The following NAV1 variants were observed in gnomAD, a reference collection of about 807,000 sequenced individuals.
NAV1 encodes neuron navigator 1.
NAV1 carries 18 observed loss-of-function variants against 175.2 expected under a neutral mutation model. That is an observed-to-expected ratio of 0.10 (90% CI 0.07 to 0.15). The LOEUF is 0.15. NAV1 is among the 10% of genes least tolerant of loss of function. NAV1 has a pLI of 1.00. For synonymous variants in NAV1, 897 were observed against 978.7 expected (o/e 0.92, Z 1.56); for missense variants, 1,731 against 2,436.6 (o/e 0.71, Z 6.10).
chr1:201,784,776 T>G (rs1356584942), intron 7 of NAV1, among the ~76,000 whole-genome samples: 2 of 151,888 alleles, frequency 1.3e-5, no homozygotes, highest in Non-Finnish European at 2.9e-5. Context: ...TTGTTGTTGT[T>G]GTTGTTTTGA....
chr1:201,809,311 A>T (rs1288085793), intron 21 of NAV1, 50 bp downstream of exon 25: 1 of 1,604,452 alleles, frequency 6.2e-7, no homozygotes, highest in African/African-American at 1.3e-5. Context: ...ATACTGTTAC[A>T]TTTATCCAAG....
rs11803581 is a variant in NAV1 at position 201,630,912 on chromosome 1, G to T, written c.4+1405G>T. 7.6e-3 allele frequency among the ~76,000 whole-genome samples: 1,158 copies of T among 152,254 alleles called. 25 individuals are homozygous for T. The highest frequency in any genetic ancestry group is 0.027 in the African/African-American group (1,109 of 41,546). ...ATGATCTCCATGCACCTAACCCAGC[G>T]CTCGTTCACGATTATTATCCGATGA... On this transcript the variant is annotated intron_variant, in intron 2 of 29. Transcript: ENST00000367302.
At position 201,743,753 on chromosome 1, in the gene NAV1, T is replaced by G. The variant is rs536721478; in HGVS notation, c.1226+24998T>G. Among the ~76,000 whole-genome samples the G allele has an allele frequency of 5.9e-5, 9 of 152,346 alleles. No individual in the cohort carries two copies. In the East Asian group the frequency reaches 1.7e-3, roughly 29 times the overall value. On this transcript the variant is annotated intron_variant, in intron 3 of 29. Coordinates refer to ENST00000367296, the Ensembl canonical transcript of NAV1. ...CCAGCTTAGAATATATCTCTGATTT[T>G]TACTTAAATTCGTCATTGCCCATAT...
chr1:201,649,328 C>G, exon 1 of NAV1: 2 of 1,612,336 alleles, frequency 1.2e-6, no homozygotes, highest in Non-Finnish European at 1.7e-6. Context: ...TCCCCTCTGC[C>G]AAGGGCCAGG....
chr1:201,782,937 C>T lies in NAV1; in HGVS notation c.2357+68C>T. The T allele has an allele frequency of 1.5e-6, 2 of 1,378,068 alleles. No homozygotes were observed. Among genetic ancestry groups the T allele is most frequent in the African/African-American group, 2.9e-5 (2 of 68,766 alleles). The allele number at this position is 1,378,068 out of a possible 1,614,324, so 85.4% of individuals were successfully genotyped here. On this transcript the variant is annotated intron_variant, in intron 6 of 29. Transcript: ENST00000367296. This position sits in a 1 kb window ranked among gnomAD's most constrained non-coding sequence, Gnocchi z 5.4. ...CATTCTTTCGCATATCTCTGCCCTCCTTGGACTAGATGAGGCATGGCCTAT... is the reference window on the plus strand; with the variant it reads ...CATTCTTTCGCATATCTCTGCCCTCTTTGGACTAGATGAGGCATGGCCTAT...
chr1:201,793,569 C>A, intron 13 of NAV1: 1 of 518,620 alleles, frequency 1.9e-6, no homozygotes, highest in Non-Finnish European at 3.5e-6. Flanking sequence ...GCCCTACCCT[C>A]AACCTGGCTT....
intron 2 of NAV1, among the ~76,000 whole-genome samples, chr1:201,634,839 C>T (rs532814858): frequency 7.2e-5 from 11 of 152,098 alleles, no homozygotes; most frequent in Admixed American, 2.0e-4. Flanking sequence ...AGTGATTCTA[C>T]GTGGTTTTTG....
Position 201,810,906 on chromosome 1 carries a change from CTA to C in NAV1, c.4797+150_4797+151del, listed in dbSNP as rs1041104012. On this transcript the variant is annotated intron_variant, in intron 24 of 29. Transcript: ENST00000367296. This position sits in a 1 kb window ranked among gnomAD's most constrained non-coding sequence, Gnocchi z 6.0. Reference sequence around the variant, plus strand: ...CTTCTGTGTTCATTTCCTTCCCTCTCTATCTATCCCCTTTTCCAGTCTTCTCC... The same window carrying C: ...CTTCTGTGTTCATTTCCTTCCCTCTCTCTATCCCCTTTTCCAGTCTTCTCC... The C allele has an allele frequency of 6.4e-5, 41 of 639,766 alleles. 1 individual carries two copies. The highest frequency in any genetic ancestry group is 6.4e-4 in the African/African-American group (35 of 54,632). 39.6% of individuals were successfully genotyped at this position (639,766 alleles called of 1,614,324 possible). A position where few individuals can be genotyped will look rare whatever the true frequency, so the allele number is the denominator to read the frequency against.
In NAV1 at chr1:201,677,540, T is replaced by G. The variant is rs548143827; in HGVS notation, c.757+28115T>G. Among the ~76,000 whole-genome samples, 6 of 152,230 alleles carry G rather than the reference T, an allele frequency of 3.9e-5. No homozygotes were observed. The South Asian group carries it at 1.0e-3, about 26-fold the overall frequency. ...TGCTTGCTCCTGGGACTCACGGTGC[T>G]TTTTTCATTTCTAGTTCAGGAGAGC... On this transcript the variant is annotated intron_variant, in intron 1 of 29. Transcript: ENST00000367296.
chr1:201,655,134 C>T (rs534405705), intron 1 of NAV1, among the ~76,000 whole-genome samples: 5 of 152,288 alleles, frequency 3.3e-5, no homozygotes, highest in African/African-American at 1.2e-4. Context: ...CCCTGACTCA[C>T]GGGCCCAGTG....
At chr1:201,549,414 G>T (rs779580655) in intron 1 of NAV1, among the ~76,000 whole-genome samples, 4 of 151,896 alleles carry the variant, frequency 2.6e-5, no homozygotes, top group Non-Finnish European at 4.4e-5. Context: ...TTGCCATGTT[G>T]CCCAGGCTGG....
chr1:201,786,461 A>G, exon 9 of NAV1: 1 of 1,613,850 alleles, frequency 6.2e-7, no homozygotes, highest in Non-Finnish European at 8.5e-7. Flanking sequence ...GAGACCAAGG[A>G]GAGGCGACAT....
rs1323994259 is a variant in NAV1, at chr1:201,814,962, C to T, written c.5340+1704C>T. Among the ~76,000 whole-genome samples the T allele has an allele frequency of 5.4e-5, 8 of 148,824 alleles. No homozygotes were observed. In the South Asian group the frequency reaches 1.3e-3, roughly 24 times the overall value. On this transcript the variant is annotated intron_variant, in intron 28 of 29. Transcript: ENST00000367296. ...GCTGAGGCAGAAGAATGGCGTGAAC[C>T]TGGGAGGTGGAGCTTGCAGTGAGCC... is the stretch of plus-strand genomic sequence containing the variant.
chr1:201,623,935 G>A (rs1170136986), intron 1 of NAV1, among the ~76,000 whole-genome samples: 2 of 152,168 alleles, frequency 1.3e-5, no homozygotes, highest in Non-Finnish European at 2.9e-5. Context: ...GGGATGTCGT[G>A]GAAGCTTAAG....
At chr1:201,564,174 G>GCAGGCAGGCAGGCAGGCAGGCAGGCAGA (rs1472700762) in intron 1 of NAV1, among the ~76,000 whole-genome samples, 13 of 151,842 alleles carry the variant, frequency 8.6e-5, no homozygotes, top group African/African-American at 3.2e-4. Flanking sequence ...AGGCAGGCAG[G>GCAGGCAGGCAGGCAGGCAGGCAGGCAGA]CAGGCAGGCA....
At chr1:201,645,317 C>T (rs922720456), upstream of NAV1, among the ~76,000 whole-genome samples, 128 of 147,246 alleles carry the variant, frequency 8.7e-4, no homozygotes, top group African/African-American at 3.1e-3. Context: ...AACCAAACAC[C>T]GCATGTTCTC....
intron 3 of NAV1, among the ~76,000 whole-genome samples, chr1:201,744,316 GTATTTATTTATT>G (rs201881780): frequency 1.2e-4 from 17 of 141,032 alleles, no homozygotes; most frequent in South Asian, 4.7e-4. Context: ...ATGTATGTAT[GTATTTATTTATT>G]TATTTATTTA....
At chr1:201,786,659 G>T in intron 9 of NAV1, 82 bp downstream of exon 13, 3 of 1,387,498 alleles carry the variant, frequency 2.2e-6, no homozygotes, top group Non-Finnish European at 2.0e-6. Flanking sequence ...GTGGGCTTTG[G>T]GTTTCATCTC....
intron 2 of NAV1, among the ~76,000 whole-genome samples, chr1:201,611,219 C>T (rs1667835470): frequency 6.6e-6 from 1 of 152,198 alleles, no homozygotes; most frequent in African/African-American, 2.4e-5. Context: ...GCATTCTCTG[C>T]CAAGGACCAG....
Sources: gnomAD v4.1 joint callset for allele counts (sites outside exome capture counted in the v4.1 genomes callset) on GRCh38, gnomAD v4.1.1 for gene constraint, Gnocchi (gnomAD v3.1) non-coding constraint, MANE v1.5 for transcripts, NCBI Gene and HGNC (gene_info 2026-07-23, HGNC 2026-07-21) for gene names.